The following GPHN variants were observed in gnomAD, a reference collection of about 807,000 sequenced individuals.
The protein encoded by GPHN is gephyrin.
A neutral mutation model predicts 95.5 loss-of-function variants in GPHN; 17 were observed. That is an observed-to-expected ratio of 0.18 (90% CI 0.12 to 0.27). GPHN has a LOEUF of 0.27. Among genes scored for constraint, GPHN ranks in the 10% least tolerant of loss-of-function variants. The pLI, the probability that GPHN is intolerant of heterozygous loss-of-function variation, is 1.00. For missense variants in GPHN, 660 were observed against 978.1 expected (o/e 0.67, Z 4.34); for synonymous variants, 320 against 322.5 (o/e 0.99, Z 0.08).
chr14:66,604,169 T>C (rs2062396087), intron 1 of GPHN, among the ~76,000 whole-genome samples: 1 of 152,088 alleles, frequency 6.6e-6, no homozygotes, highest in Non-Finnish European at 1.5e-5. Flanking sequence ...GAGTCCTTTG[T>C]AGAGCTGCAA....
the GPHN span, among the ~76,000 whole-genome samples, chr14:67,492,585 C>T: frequency 6.6e-6 from 1 of 152,214 alleles, no homozygotes; most frequent in Non-Finnish European, 1.5e-5. Context: ...GGGGACCCTG[C>T]CCCTTTGTTG....
intron 9 of GPHN, among the ~76,000 whole-genome samples, chr14:67,020,466 G>A (rs974567794): frequency 6.6e-6 from 1 of 151,894 alleles, no homozygotes; most frequent in Non-Finnish European, 1.5e-5. Context: ...TTTCACTTTT[G>A]TTCCTTACAT....
chr14:67,322,130 G>A, the GPHN span, among the ~76,000 whole-genome samples: 7 of 152,080 alleles, frequency 4.6e-5, no homozygotes, highest in Non-Finnish European at 8.8e-5. Context: ...TGGATCACTT[G>A]AGTTCAGGAG....
the GPHN span, among the ~76,000 whole-genome samples, chr14:67,429,911 A>G: frequency 1.3e-5 from 2 of 152,150 alleles, no homozygotes; most frequent in African/African-American, 4.8e-5. Context: ...TACCTTCCTC[A>G]TTTTACAAAT....
the GPHN span, among the ~76,000 whole-genome samples, chr14:67,545,749 G>A: frequency 6.6e-6 from 1 of 152,190 alleles, no homozygotes; most frequent in Non-Finnish European, 1.5e-5. Flanking sequence ...AACTACATTT[G>A]TAAGATCAGT....
chr14:67,285,462 G>A, the GPHN span, among the ~76,000 whole-genome samples: 2 of 150,462 alleles, frequency 1.3e-5, no homozygotes, highest in Non-Finnish European at 2.9e-5. Flanking sequence ...CACCTCCCAG[G>A]TTCACACCAT....
intron 1 of GPHN, among the ~76,000 whole-genome samples, chr14:66,572,328 G>A (rs200384582): frequency 6.6e-6 from 1 of 152,188 alleles, no homozygotes; most frequent in East Asian, 1.9e-4. Context: ...TGAATCTGTA[G>A]ATCACTTTGG....
intron 17 of GPHN, 124 bp from the exon 18 acceptor site, chr14:67,143,238 A>G (rs1462042936): frequency 4.1e-6 from 3 of 736,880 alleles, no homozygotes; most frequent in Non-Finnish European, 7.5e-6. Flanking sequence ...CCCACTTCAT[A>G]CAGAATATAG....
intron 2 of GPHN, chr14:66,760,643 A>T: frequency 2.4e-6 from 1 of 409,132 alleles, no homozygotes; most frequent in Admixed American, 3.3e-5. Flanking sequence ...TAAATGTTAT[A>T]AAAACGTTAA....
chr14:67,717,317 C>A, the GPHN span, among the ~76,000 whole-genome samples: 2 of 152,148 alleles, frequency 1.3e-5, no homozygotes, highest in Admixed American at 1.3e-4. Context: ...TATGTGTACA[C>A]AGATCCCAGC....
At chr14:66,961,948 A>G (rs1235854780) in intron 8 of GPHN, among the ~76,000 whole-genome samples, 1 of 77,586 alleles carries the variant, frequency 1.3e-5, no homozygotes, top group Non-Finnish European at 2.0e-5. Flanking sequence ...ATATATATAT[A>G]CACATATCTC....
intron 8 of GPHN, among the ~76,000 whole-genome samples, chr14:66,954,401 A>G (rs970526281): frequency 9.9e-5 from 15 of 152,234 alleles, no homozygotes; most frequent in African/African-American, 3.6e-4. Flanking sequence ...TTGTAAATGG[A>G]CTTGTTTTCT....
chr14:66,994,926 G>T (rs1399976609), intron 9 of GPHN, among the ~76,000 whole-genome samples: 1 of 152,142 alleles, frequency 6.6e-6, no homozygotes, highest in Non-Finnish European at 1.5e-5. Flanking sequence ...AAGAAAAAGG[G>T]TTTGTATATT....
chr14:66,760,723 A>G (rs1228016685), intron 2 of GPHN: 1 of 464,200 alleles, frequency 2.2e-6, no homozygotes, highest in Non-Finnish European at 4.1e-6. Context: ...AAGCACTTAT[A>G]GTGGATAATT....
chr14:67,340,032 CA>C, the GPHN span: 344 of 71,772 alleles, frequency 4.8e-3, no homozygotes, highest in Middle Eastern at 9.3e-3. Context: ...CTCTGTCTCA[CA>C]AAAAAAAAAA....
intron 4 of GPHN, among the ~76,000 whole-genome samples, chr14:66,854,378 A>G (rs1479860821): frequency 6.6e-6 from 1 of 152,196 alleles, no homozygotes; most frequent in Non-Finnish European, 1.5e-5. Flanking sequence ...ATATGCCTGA[A>G]TGGAAGATGA....
chr14:66,744,338 C>T (rs1428345984), intron 2 of GPHN, among the ~76,000 whole-genome samples: 4 of 152,212 alleles, frequency 2.6e-5, no homozygotes, highest in African/African-American at 7.2e-5. Context: ...TCAGCCAATT[C>T]ACTCCAAGAT....
chr14:67,037,704 A>C (rs891462684), intron 10 of GPHN, among the ~76,000 whole-genome samples: 3 of 151,874 alleles, frequency 2.0e-5, no homozygotes, highest in Non-Finnish European at 4.4e-5. Context: ...AAGCTGCTCA[A>C]TGTCACTAAT....
At chr14:67,341,020 G>A in the GPHN span, among the ~76,000 whole-genome samples, 1 of 152,108 alleles carries the variant, frequency 6.6e-6, no homozygotes, top group South Asian at 2.1e-4. Context: ...ATCTCGGCTC[G>A]CTACAACCTC....
Sources: gnomAD v4.1 joint callset for allele counts (sites outside exome capture counted in the v4.1 genomes callset) on GRCh38, gnomAD v4.1.1 for gene constraint, MANE v1.5 for transcripts, NCBI Gene and HGNC (gene_info 2026-07-23, HGNC 2026-07-21) for gene names.